The following AGPAT4 variants were observed in gnomAD, a reference collection of about 807,000 sequenced individuals.
AGPAT4 encodes 1-acylglycerol-3-phosphate O-acyltransferase 4.
AGPAT4 carries 15 observed loss-of-function variants against 48.0 expected under a neutral mutation model. The observed-to-expected ratio is 0.31, with a 90% CI of 0.21 to 0.48. The LOEUF is 0.48. Ranked by LOEUF, AGPAT4 falls within the 20% of genes least tolerant of loss-of-function variation. The probability of loss-of-function intolerance (pLI) is 0.99; values close to 1 mark genes in which losing one functional copy is unlikely to be tolerated. For missense variants in AGPAT4, 314 were observed against 482.5 expected, an observed-to-expected ratio of 0.65 and a Z score of 3.27; for synonymous variants, 178 against 198.7, an observed-to-expected ratio of 0.90 and a Z score of 0.88.
In AGPAT4 at chr6:161,202,413, G is replaced by T. The variant is rs996199822; in HGVS notation, c.178+29623C>A. ...TCCTCTGGATGACAGAGGACAGAGG[G>T]GAAAAGAGAGAGGAAACCAGGCAGA... On this transcript the variant is annotated intron_variant, in intron 2 of 8. Coordinates refer to ENST00000320285, the MANE Select transcript of AGPAT4 (RefSeq NM_020133.3). This position sits in a 1 kb window ranked among gnomAD's most constrained non-coding sequence, Gnocchi z 5.4. Among the ~76,000 whole-genome samples the T allele has an allele frequency of 3.9e-5, 6 of 152,052 alleles. No homozygotes were observed. The highest frequency in any genetic ancestry group is 1.4e-4 in the African/African-American group (6 of 41,398).
chr6:161,248,355 A>T (rs1782718150), intron 1 of AGPAT4, among the ~76,000 whole-genome samples: 1 of 152,104 alleles, frequency 6.6e-6, no homozygotes, highest in Admixed American at 6.5e-5. Flanking sequence ...CGGGCGGATC[A>T]TGAGGTCAGG....
chr6:161,227,436 A>C (rs956405013), intron 2 of AGPAT4, among the ~76,000 whole-genome samples: 1 of 152,180 alleles, frequency 6.6e-6, no homozygotes, highest in African/African-American at 2.4e-5. Flanking sequence ...GCTGGGTGGA[A>C]TATCTGCTTC....
In AGPAT4 at chr6:161,245,498, G is replaced by A. The variant is rs1048803613; in HGVS notation, c.-89-13196C>T. ...AAGCACCCTAGAGGGATCGCCAGGA[G>A]TAGAGCTCAGAGGAAGCACTCTGCT... On this transcript the variant is annotated intron_variant, in intron 1 of 8. Transcript: ENST00000320285. This position sits in a 1 kb window ranked among gnomAD's most constrained non-coding sequence, Gnocchi z 5.2. Among the ~76,000 whole-genome samples the A allele has an allele frequency of 9.2e-5, 14 of 152,204 alleles. No homozygotes were observed. The highest frequency in any genetic ancestry group is 9.2e-4 in the Admixed American group (14 of 15,278).
rs1228310019 is a variant in AGPAT4 at position 161,161,152 on chromosome 6, C to A, written c.348+5096G>T. ...CTTTCAACAACCCTGGCTTTATGAG[C>A]GGTGGGATCAGACTCTGGCTTGTTA... On this transcript the variant is annotated intron_variant, in intron 3 of 8. Coordinates refer to ENST00000320285, the MANE Select transcript of AGPAT4 (RefSeq NM_020133.3). The surrounding 1 kb of genome is among the most constrained non-coding windows in gnomAD (Gnocchi z 4.6). The A allele has an allele frequency of 8.8e-6, 4 of 456,572 alleles. No individual in the cohort carries two copies. Among genetic ancestry groups the A allele is most frequent in the South Asian group, 1.5e-5 (1 of 64,572 alleles). 28.3% of individuals were successfully genotyped at this position (456,572 alleles called of 1,614,324 possible). A position where few individuals can be genotyped will look rare whatever the true frequency, so the allele number is the denominator to read the frequency against.
rs1241206816 is a variant in AGPAT4, at chr6:161,158,479, C to G, written c.349-4169G>C. Among the ~76,000 whole-genome samples, 1 of 152,168 alleles carries G rather than the reference C, an allele frequency of 6.6e-6. No individual in the cohort carries two copies. The highest frequency in any genetic ancestry group is 1.9e-4 in the East Asian group (1 of 5,194). On this transcript the variant is annotated intron_variant, in intron 3 of 8. Coordinates refer to ENST00000320285, the MANE Select transcript of AGPAT4 (RefSeq NM_020133.3). This position sits in a 1 kb window ranked among gnomAD's most constrained non-coding sequence, Gnocchi z 5.3. Reference sequence around the variant, plus strand: ...TAAAATTTTCACGTGGAGTAAACCACTATGGAGAGAGAGAGTGAAAGAGAG... The same window carrying G: ...TAAAATTTTCACGTGGAGTAAACCAGTATGGAGAGAGAGAGTGAAAGAGAG...
rs1779850280 is a variant in AGPAT4, at chr6:161,159,162, A to T, written c.349-4852T>A. On this transcript the variant is annotated intron_variant, in intron 3 of 8. Transcript: ENST00000320285. This position sits in a 1 kb window ranked among gnomAD's most constrained non-coding sequence, Gnocchi z 4.1. ...TGTAGCAAATGTTTCAGTTCCCTGG[A>T]GCCAAGACAAGCCATCCAGCCCTAT... 6.6e-6 allele frequency among the ~76,000 whole-genome samples: 1 copy of T among 152,100 alleles called. No individual in the cohort carries two copies. Among genetic ancestry groups the T allele is most frequent in the Non-Finnish European group, 1.5e-5 (1 of 68,010 alleles).
In AGPAT4 at chr6:161,259,705, GGA is replaced by G. The variant is rs1206442635; in HGVS notation, c.-90+14231_-90+14232del. Among the ~76,000 whole-genome samples, 2 of 152,146 alleles carry G rather than the reference GGA, an allele frequency of 1.3e-5. No homozygotes were observed. The highest frequency in any genetic ancestry group is 2.9e-5 in the Non-Finnish European group (2 of 68,020). ...GGTCACCGCACAGTTCACATGCCCA[GGA>G]GGACTCTCTGGCTGAGTGGCACCTT... On this transcript the variant is annotated intron_variant, in intron 1 of 8. Coordinates refer to ENST00000320285, the MANE Select transcript of AGPAT4 (RefSeq NM_020133.3). The surrounding 1 kb of genome is among the most constrained non-coding windows in gnomAD (Gnocchi z 4.9).
intron 2 of AGPAT4, among the ~76,000 whole-genome samples, chr6:161,193,699 C>T (rs1196112110): frequency 6.6e-6 from 1 of 152,186 alleles, no homozygotes; most frequent in Non-Finnish European, 1.5e-5. Flanking sequence ...TGGGCTTTGA[C>T]GTCTGTGTTG....
Position 161,134,457 on chromosome 6 carries a change from A to G in AGPAT4, c.*2083T>C, listed in dbSNP as rs1035256529. On this transcript the variant is annotated 3_prime_UTR_variant, in exon 9 of 9. Transcript: ENST00000320285. Reference sequence around the variant, plus strand: ...ATTTCTGAGCATTTTTGAGAGTAGCAACATAGAGGCAGCTTTCTAGTCTTT... The same window carrying G: ...ATTTCTGAGCATTTTTGAGAGTAGCGACATAGAGGCAGCTTTCTAGTCTTT... The G allele has an allele frequency of 6.6e-6, 1 of 152,178 alleles. No homozygotes were observed. The highest frequency in any genetic ancestry group is 1.5e-5 in the Non-Finnish European group (1 of 68,046). 9.4% of individuals were successfully genotyped at this position (152,178 alleles called of 1,614,324 possible).
At chr6:161,228,550 A>G (rs1480669657) in intron 2 of AGPAT4, among the ~76,000 whole-genome samples, 2 of 143,104 alleles carry the variant, frequency 1.4e-5, no homozygotes, top group East Asian at 2.0e-4. Context: ...CAATTAGGTC[A>G]CTGGCAATCC....
At chr6:161,258,945 C>T (rs754289321) in intron 1 of AGPAT4, among the ~76,000 whole-genome samples, 4 of 151,698 alleles carry the variant, frequency 2.6e-5, no homozygotes, top group Non-Finnish European at 4.4e-5. Flanking sequence ...TACAGGCGCC[C>T]GCCACCAGGC....
intron 2 of AGPAT4, among the ~76,000 whole-genome samples, chr6:161,174,667 G>A (rs1780378838): frequency 6.6e-6 from 1 of 152,172 alleles, no homozygotes; most frequent in Admixed American, 6.5e-5. Flanking sequence ...GCCCTGGCCA[G>A]AACTTCCAAC....
chr6:161,178,053 T>C lies in AGPAT4; in HGVS notation c.179-11636A>G, dbSNP rs1007721290. Among the ~76,000 whole-genome samples, 10 of 152,194 alleles carry C rather than the reference T, an allele frequency of 6.6e-5. No individual in the cohort carries two copies. The highest frequency in any genetic ancestry group is 2.4e-4 in the African/African-American group (10 of 41,464). On this transcript the variant is annotated intron_variant, in intron 2 of 8. Coordinates refer to ENST00000320285, the MANE Select transcript of AGPAT4 (RefSeq NM_020133.3). The surrounding 1 kb of genome is among the most constrained non-coding windows in gnomAD (Gnocchi z 5.1). ...GCACCTGACTGTATGTGGTGTCAAA[T>C]GGCCCCTACTGGGAGGTGTCTCCCA...
At chr6:161,181,004 G>A (rs1459817183) in intron 2 of AGPAT4, among the ~76,000 whole-genome samples, 1 of 152,226 alleles carries the variant, frequency 6.6e-6, no homozygotes, top group Non-Finnish European at 1.5e-5. Flanking sequence ...AAAGATGGAG[G>A]AGGGAAATGA....
In AGPAT4 at chr6:161,206,804, A is replaced by T. The variant is rs376838725; in HGVS notation, c.178+25232T>A. ...AATTATAAACAAACTTGAAACAAAT[A>T]AAAAAAAAGTCTTCACAAACAAAAA... On this transcript the variant is annotated intron_variant, in intron 2 of 8. Coordinates refer to ENST00000320285, the MANE Select transcript of AGPAT4 (RefSeq NM_020133.3). The surrounding 1 kb of genome is among the most constrained non-coding windows in gnomAD (Gnocchi z 4.8). Among the ~76,000 whole-genome samples, 6 of 151,630 alleles carry T rather than the reference A, an allele frequency of 4.0e-5. No homozygotes were observed. The highest frequency in any genetic ancestry group is 2.1e-4 in the South Asian group (1 of 4,788).
rs1189662110 is a variant in AGPAT4, at chr6:161,135,507, G to GT, written c.*1032dup. On this transcript the variant is annotated 3_prime_UTR_variant, in exon 9 of 9. Transcript: ENST00000320285. ...CCGGAAGGAAGGCAGAAGCCTGGGG[G>GT]TTTTTTGTACATGGGATGTCGGCTC... is the stretch of plus-strand genomic sequence containing the variant. The GT allele has an allele frequency of 3.3e-5, 5 of 152,342 alleles. No homozygotes were observed. The highest frequency in any genetic ancestry group is 7.2e-5 in the African/African-American group (3 of 41,452). The allele number at this position is 152,342 out of a possible 1,614,324, so 9.4% of individuals were successfully genotyped here. A position where few individuals can be genotyped will look rare whatever the true frequency, so the allele number is the denominator to read the frequency against.
At chr6:161,174,853 T>A (rs892583994) in intron 2 of AGPAT4, among the ~76,000 whole-genome samples, 12 of 152,332 alleles carry the variant, frequency 7.9e-5, no homozygotes, top group African/African-American at 2.9e-4. Flanking sequence ...GTTTTTAGCA[T>A]GAAGCGCTGT....
chr6:161,272,449 C>T lies in AGPAT4; in HGVS notation c.-90+1489G>A, dbSNP rs923638104. 6.6e-6 allele frequency among the ~76,000 whole-genome samples: 1 copy of T among 152,096 alleles called. No individual in the cohort carries two copies. The highest frequency in any genetic ancestry group is 2.4e-5 in the African/African-American group (1 of 41,418). On this transcript the variant is annotated intron_variant, in intron 1 of 8. Coordinates refer to ENST00000320285, the MANE Select transcript of AGPAT4 (RefSeq NM_020133.3). The surrounding 1 kb of genome is among the most constrained non-coding windows in gnomAD (Gnocchi z 4.2). The stretch of plus-strand genomic sequence containing the variant: ...CAGAAGAATGGTATCCCTTATCAAA[C>T]GCTTCCTTAGACGTACTGAATAAAA...
chr6:161,213,632 A>G (rs1236079566), intron 2 of AGPAT4, among the ~76,000 whole-genome samples: 1 of 152,204 alleles, frequency 6.6e-6, no homozygotes, highest in East Asian at 1.9e-4. Flanking sequence ...AAATGACAAC[A>G]ATCTATTTAC....
Sources: gnomAD v4.1 joint callset for allele counts (sites outside exome capture counted in the v4.1 genomes callset) on GRCh38, gnomAD v4.1.1 for gene constraint, Gnocchi (gnomAD v3.1) non-coding constraint, MANE v1.5 for transcripts, NCBI Gene and HGNC (gene_info 2026-07-23, HGNC 2026-07-21) for gene names.